Variants in DGLUCY observed in about 807,000 individuals in gnomAD.
DGLUCY encodes the protein D-glutamate cyclase, mitochondrial.
A neutral mutation model predicts 58.5 loss-of-function variants in DGLUCY; 58 were observed. The ratio of observed to expected loss-of-function variants is 0.99; its 90% CI spans 0.80 to 1.23. The LOEUF (loss-of-function observed/expected upper bound fraction) is 1.23, where lower values mean the gene tolerates loss of function less well. Ranked by LOEUF, DGLUCY falls within the 50% of genes most tolerant of loss-of-function variation. The pLI is 0.00. For synonymous variants in DGLUCY, 325 were observed against 314.1 expected, an observed-to-expected ratio of 1.03 and a Z score of -0.37; for missense variants, 779 against 784.7, an observed-to-expected ratio of 0.99 and a Z score of 0.09.
At chr14:91,113,035 C>T (rs1057248749), upstream of DGLUCY, among the ~76,000 whole-genome samples, 2 of 149,214 alleles carry the variant, frequency 1.3e-5, no homozygotes, top group African/African-American at 4.9e-5. Flanking sequence ...GGTGCGATAG[C>T]TCATGCCTGT....
chr14:91,139,448 G>A (rs1243429905), intron 1 of DGLUCY, among the ~76,000 whole-genome samples: 1 of 152,224 alleles, frequency 6.6e-6, no homozygotes, highest in African/African-American at 2.4e-5. Flanking sequence ...ACTTTGGGAA[G>A]CCAAGGCAGG....
upstream of DGLUCY, among the ~76,000 whole-genome samples, chr14:91,110,548 A>G (rs55662634): frequency 0.031 from 4,627 of 150,552 alleles, 97 homozygotes; most frequent in South Asian, 0.058. Flanking sequence ...CTCATGCCTC[A>G]GCCTCCCTGG....
chr14:91,167,062 C>T (rs1716948938), intron 3 of DGLUCY, among the ~76,000 whole-genome samples, 163 bp from the exon 4 acceptor site: 1 of 151,956 alleles, frequency 6.6e-6, no homozygotes, highest in Admixed American at 6.6e-5. Context: ...TTGCTTGAAC[C>T]CAGGAGGCGG....
intron 1 of DGLUCY, among the ~76,000 whole-genome samples, chr14:91,129,585 T>TAAAAAAA (rs796941268): frequency 2.8e-5 from 4 of 142,038 alleles, no homozygotes; most frequent in Admixed American, 2.1e-4. Context: ...AATTAAAAAT[T>TAAAAAAA]AAAAAAAAAA....
chr14:91,114,751 C>A (rs1363856284), intron 1 of DGLUCY: 1 of 152,290 alleles, frequency 6.6e-6, no homozygotes, highest in East Asian at 1.9e-4. Context: ...TTCGTGGATA[C>A]CTGCAGGGCC....
At chr14:91,091,501 G>A (rs1017136496) in intron 1 of DGLUCY, among the ~76,000 whole-genome samples, 6 of 151,862 alleles carry the variant, frequency 4.0e-5, no homozygotes, top group South Asian at 2.1e-4. Flanking sequence ...CAGCCTGGGC[G>A]ACAAAAATAA....
At chr14:91,069,865 C>G (rs1343484580) in intron 1 of DGLUCY, among the ~76,000 whole-genome samples, 6 of 149,854 alleles carry the variant, frequency 4.0e-5, no homozygotes, top group Non-Finnish European at 8.9e-5. Context: ...ACTGCAACCT[C>G]CCCCTCCAGG....
At chr14:91,134,580 G>A (rs930272263) in intron 1 of DGLUCY, among the ~76,000 whole-genome samples, 1 of 151,956 alleles carries the variant, frequency 6.6e-6, no homozygotes, top group Non-Finnish European at 1.5e-5. Flanking sequence ...TGGGACTACA[G>A]GCCTGTGCCA....
intron 1 of DGLUCY, among the ~76,000 whole-genome samples, chr14:91,116,839 G>A (rs945481470): frequency 1.3e-5 from 2 of 151,894 alleles, no homozygotes; most frequent in Non-Finnish European, 2.9e-5. Context: ...AGCTATTTGG[G>A]AGGCTGAGGC....
intron 4 of DGLUCY, among the ~76,000 whole-genome samples, chr14:91,168,815 G>A (rs1453326565): frequency 3.9e-5 from 6 of 152,280 alleles, no homozygotes; most frequent in Middle Eastern, 6.8e-3. Flanking sequence ...GGATGGGCGC[G>A]GTGGCTCACG....
chr14:91,143,534 C>T (rs957794284), intron 1 of DGLUCY, among the ~76,000 whole-genome samples: 2 of 152,176 alleles, frequency 1.3e-5, no homozygotes, highest in African/African-American at 4.8e-5. Context: ...GGTCTCCAAC[C>T]GTTTCTCCAC....
At chr14:91,078,881 TTTATTTA>T (rs2044076340) in intron 1 of DGLUCY, among the ~76,000 whole-genome samples, 1 of 141,844 alleles carries the variant, frequency 7.1e-6, no homozygotes, top group Non-Finnish European at 1.6e-5. Context: ...TTAATTTTTA[TTTATTTA>T]TTTATTTATT....
chr14:91,073,454 A>T (rs947793457), intron 1 of DGLUCY, among the ~76,000 whole-genome samples: 6 of 152,328 alleles, frequency 3.9e-5, no homozygotes, highest in East Asian at 1.9e-4. Flanking sequence ...AAAATTTTTT[A>T]AAAATTAACT....
chr14:91,157,249 G>A (rs2047707253), intron 1 of DGLUCY, among the ~76,000 whole-genome samples: 1 of 117,790 alleles, frequency 8.5e-6, no homozygotes, highest in African/African-American at 3.4e-5. Flanking sequence ...ATGGATGGAT[G>A]GATGGATGAA....
rs983166069 is a variant in DGLUCY, at chr14:91,204,821, T to A, written c.1560T>A (p.Ile520=). ...ACDVEADFAV[I]AGVSNWGGYA... ...ACGTGGAGGCTGACTTTGCCGTCAT[T>A]GCTGGTGAGCACTCGGATGGCCGCC... Residue 520 remains isoleucine (I), a synonymous_variant, in exon 12 of 14, where the codon ATT becomes ATA. Transcript: ENST00000256324. 3 of 1,614,070 alleles carry A rather than the reference T, an allele frequency of 1.9e-6. No individual in the cohort carries two copies. Among genetic ancestry groups the A allele is most frequent in the Non-Finnish European group, 2.5e-6 (3 of 1,179,972 alleles).
At chr14:91,096,900 G>A (rs941258344) in intron 1 of DGLUCY, among the ~76,000 whole-genome samples, 1 of 152,202 alleles carries the variant, frequency 6.6e-6, no homozygotes, top group African/African-American at 2.4e-5. Flanking sequence ...AAATTGCTGG[G>A]TTGGCACAGG....
At position 91,144,061 on chromosome 14, in the gene DGLUCY, C is replaced by T. The variant is rs547387395; in HGVS notation, c.-81-13578C>T. Among the ~76,000 whole-genome samples, 9 of 152,282 alleles carry T rather than the reference C, an allele frequency of 5.9e-5. No homozygotes were observed. The East Asian group carries it at 1.2e-3, about 20-fold the overall frequency. On this transcript the variant is annotated intron_variant, in intron 1 of 13. Coordinates refer to ENST00000256324, the MANE Select transcript of DGLUCY (RefSeq NM_001102368.3). ...GCTCCACTCACAAGCCTTGGAAAAA[C>T]GCCACCAGCCCTTGGGTCCAAGAAT...
rs529881789 is a variant in DGLUCY, at chr14:91,143,389, C to A, written c.-81-14250C>A. Reference sequence around the variant, plus strand: ...GGATTACAGGCATGAGCCACCGCGCCTGGCAGCAGTTCTGAGGAACAGTTT... The same window carrying A: ...GGATTACAGGCATGAGCCACCGCGCATGGCAGCAGTTCTGAGGAACAGTTT... On this transcript the variant is annotated intron_variant, in intron 1 of 13. Coordinates refer to ENST00000256324, the MANE Select transcript of DGLUCY (RefSeq NM_001102368.3). 2.0e-5 allele frequency among the ~76,000 whole-genome samples: 3 copies of A among 152,290 alleles called. No individual in the cohort carries two copies. In the East Asian group the frequency reaches 5.8e-4, roughly 29 times the overall value.
chr14:91,087,687 C>T (rs1019379140), intron 1 of DGLUCY, among the ~76,000 whole-genome samples: 12 of 152,090 alleles, frequency 7.9e-5, no homozygotes, highest in Non-Finnish European at 1.3e-4. Context: ...TTAGCCAATC[C>T]GGACAGATAC....
Sources: allele counts gnomAD v4.1 joint callset (sites outside exome capture counted in the v4.1 genomes callset), GRCh38; gene constraint gnomAD v4.1.1; transcripts MANE v1.5; gene names NCBI Gene and HGNC (gene_info 2026-07-23, HGNC 2026-07-21).